The following FLCN variants were observed in gnomAD, a reference collection of about 807,000 sequenced individuals.
FLCN encodes folliculin.
Under a neutral mutation model 62.5 loss-of-function variants are expected in FLCN, and 22 were observed. The ratio of observed to expected loss-of-function variants is 0.35; its 90% CI spans 0.25 to 0.50. The LOEUF (loss-of-function observed/expected upper bound fraction) is 0.50, where lower values mean the gene tolerates loss of function less well. Ranked by LOEUF, FLCN falls within the 20% of genes least tolerant of loss-of-function variation. FLCN has a pLI of 0.97. For missense variants in FLCN, 657 were observed against 778.0 expected, an observed-to-expected ratio of 0.84 and a Z score of 1.85; for synonymous variants, 319 against 310.0, an observed-to-expected ratio of 1.03 and a Z score of -0.30.
chr17:17,219,359 C>G (rs1435712719), intron 8 of FLCN, 150 bp from the exon 9 acceptor site: 3 of 442,448 alleles, frequency 6.8e-6, no homozygotes, highest in African/African-American at 2.1e-5. Flanking sequence ...TCTGGGAGCC[C>G]TGGGGTGGGA....
rs138891029 is a variant in FLCN at position 17,223,450 on chromosome 17, A to G, written c.618+472T>C. ...GCCTGCCAGGACGACCACAGCAAGC[A>G]GAGCCCCACTCTCCTGCAATGCACA... is the stretch of plus-strand genomic sequence containing the variant. On this transcript the variant is annotated intron_variant, in intron 6 of 13. Transcript: ENST00000285071. Among the ~76,000 whole-genome samples the G allele has an allele frequency of 7.9e-5, 12 of 152,358 alleles. No individual in the cohort carries two copies. In the East Asian group the frequency reaches 2.3e-3, roughly 29 times the overall value.
In FLCN at chr17:17,215,261, C is replaced by A. The variant is rs760690745; in HGVS notation, c.1356G>T (p.Val452=). Residue 452 remains valine (V), a synonymous_variant, in exon 12 of 14, where the codon GTG becomes GTT. Transcript: ENST00000285071. ...HAAARSTLHP[V]GCEDDQSLSK... ...TGAGAGACTGGTCATCCTCACACCCCACAGGGTGGAGGGTGGAACGTGCGG... is the reference window on the plus strand; with the variant it reads ...TGAGAGACTGGTCATCCTCACACCCAACAGGGTGGAGGGTGGAACGTGCGG... The A allele has an allele frequency of 1.2e-6, 2 of 1,614,178 alleles. No homozygotes were observed. Among genetic ancestry groups the A allele is most frequent in the Non-Finnish European group, 1.7e-6 (2 of 1,180,020 alleles).
chr17:17,235,453 A>AAAG (rs1567834712), intron 1 of FLCN: 3 of 152,084 alleles, frequency 2.0e-5, no homozygotes, highest in Admixed American at 6.6e-5. Flanking sequence ...CTGTCTCCAA[A>AAAG]AAAGAAAGAA....
At chr17:17,236,492 C>CT (rs1460295308) in intron 1 of FLCN, among the ~76,000 whole-genome samples, 1 of 152,210 alleles carries the variant, frequency 6.6e-6, no homozygotes, top group African/African-American at 2.4e-5. Flanking sequence ...CTTCAATCCA[C>CT]AAGCCAATCC....
intron 1 of FLCN, among the ~76,000 whole-genome samples, 173 bp downstream of exon 1, chr17:17,236,739 A>G (rs1233166320): frequency 6.6e-6 from 1 of 152,148 alleles, no homozygotes; most frequent in Non-Finnish European, 1.5e-5. Context: ...ATGAGATCAC[A>G]GTCCTCATCC....
chr17:17,212,475 TAAAAAAAAAAAAAAA>T lies in FLCN; in HGVS notation c.*1165_*1179del, dbSNP rs397932764. The T allele has an allele frequency of 9.6e-4, 73 of 76,040 alleles. 2 individuals are homozygous for T. The East Asian group carries it at 0.021, about 22-fold the overall frequency. 4.7% of individuals were successfully genotyped at this position (76,040 alleles called of 1,614,324 possible). On this transcript the variant is annotated 3_prime_UTR_variant, in exon 14 of 14. Coordinates refer to ENST00000285071, the MANE Select transcript of FLCN (RefSeq NM_144997.7). The stretch of plus-strand genomic sequence containing the variant: ...ACGACATAGCAAGATGCCATCTCTT[TAAAAAAAAAAAAAAA>T]AAAAAAAAAAAGGGCCAGGCACAGT...
rs2144860904 is a variant in FLCN, at chr17:17,216,525, A to G, written c.1177-22T>C. The G allele has an allele frequency of 6.2e-7, 1 of 1,613,384 alleles. No homozygotes were observed. Among genetic ancestry groups the G allele is most frequent in the African/African-American group, 1.3e-5 (1 of 75,026 alleles). On this transcript the variant is annotated intron_variant, in intron 10 of 13. Coordinates refer to ENST00000285071, the MANE Select transcript of FLCN (RefSeq NM_144997.7). This position sits in a 1 kb window ranked among gnomAD's most constrained non-coding sequence, Gnocchi z 4.0. The stretch of plus-strand genomic sequence containing the variant: ...TGGTCTGAGGAGGACAGCAGGACTC[A>G]GACCAAGGACACGAGGAAGCCCTCA...
intron 6 of FLCN, chr17:17,223,100 C>T: frequency 3.9e-6 from 1 of 256,368 alleles, no homozygotes; most frequent in Non-Finnish European, 7.8e-6. Flanking sequence ...TTTTTCCTTT[C>T]TTTTTTTTTT....
chr17:17,227,018 C>A (rs562991593), intron 4 of FLCN, among the ~76,000 whole-genome samples: 1 of 152,366 alleles, frequency 6.6e-6, no homozygotes, highest in South Asian at 2.1e-4. Flanking sequence ...GCCCCAGCAG[C>A]CTGGCGGTGC....
At chr17:17,225,824 T>C (rs1479282399) in intron 5 of FLCN, 2 of 369,900 alleles carry the variant, frequency 5.4e-6, no homozygotes, top group Non-Finnish European at 1.1e-5. Flanking sequence ...GAGGTTGCAG[T>C]GAACCATGAC....
At chr17:17,219,283 T>C (rs1031282354) in intron 8 of FLCN, 74 bp from the exon 9 acceptor site, 18 of 1,291,404 alleles carry the variant, frequency 1.4e-5, no homozygotes, top group African/African-American at 4.6e-5. Flanking sequence ...AGATACTTCA[T>C]GGGCTGAGCC....
chr17:17,213,944 T>A lies in FLCN; in HGVS notation c.1539-88A>T, dbSNP rs573410413. On this transcript the variant is annotated intron_variant, in intron 13 of 13. Coordinates refer to ENST00000285071, the MANE Select transcript of FLCN (RefSeq NM_144997.7). The stretch of plus-strand genomic sequence containing the variant: ...GGGCCAACCAGGGGTGACACGGCTT[T>A]GGCACCAGCAGGAGCTGTGCAGGCA... 128 of 1,423,936 alleles carry A rather than the reference T, an allele frequency of 9.0e-5. No homozygotes were observed. The African/African-American group carries it at 1.7e-3, about 19-fold the overall frequency. 88.2% of individuals were successfully genotyped at this position (1,423,936 alleles called of 1,614,324 possible).
intron 4 of FLCN, among the ~76,000 whole-genome samples, chr17:17,227,207 G>C (rs1490205458): frequency 6.6e-5 from 10 of 152,108 alleles, no homozygotes. Context: ...CCCTGACCCA[G>C]GTCCTCCACA....
intron 7 of FLCN, among the ~76,000 whole-genome samples, chr17:17,221,861 T>A (rs1292759318): frequency 6.6e-6 from 1 of 152,140 alleles, no homozygotes; most frequent in Admixed American, 6.5e-5. Flanking sequence ...GGAGCTGTTC[T>A]AAACCAGAGA....
At position 17,212,955 on chromosome 17, in the gene FLCN, T is replaced by A. The variant is rs991236394; in HGVS notation, c.*700A>T. ...CCAGGGGATTGGGCAAGTCAGATGCTTGCCGACCCCTCAGCAACCTGTCTT... is the reference window on the plus strand; with the variant it reads ...CCAGGGGATTGGGCAAGTCAGATGCATGCCGACCCCTCAGCAACCTGTCTT... On this transcript the variant is annotated 3_prime_UTR_variant, in exon 14 of 14. Coordinates refer to ENST00000285071, the MANE Select transcript of FLCN (RefSeq NM_144997.7). 8.4e-6 allele frequency: 2 copies of A among 236,732 alleles called. No homozygotes were observed. The highest frequency in any genetic ancestry group is 4.4e-5 in the African/African-American group (2 of 45,280). 14.7% of individuals were successfully genotyped at this position (236,732 alleles called of 1,614,324 possible). A position where few individuals can be genotyped will look rare whatever the true frequency, so the allele number is the denominator to read the frequency against.
chr17:17,222,679 G>A lies in FLCN; in HGVS notation c.619-18C>T, dbSNP rs1402232991. 1 of 1,614,022 alleles carries A rather than the reference G, an allele frequency of 6.2e-7. No individual in the cohort carries two copies. Among genetic ancestry groups the A allele is most frequent in the Non-Finnish European group, 8.5e-7 (1 of 1,180,030 alleles). ...TCAAACACCTGAAATGCAAAGGGAA[G>A]GGATGGCCTCTTTAAGCCAAAGCTG... On this transcript the variant is annotated intron_variant, in intron 6 of 13. Coordinates refer to ENST00000285071, the MANE Select transcript of FLCN (RefSeq NM_144997.7).
intron 1 of FLCN, among the ~76,000 whole-genome samples, chr17:17,233,909 G>C (rs1245421868): frequency 6.6e-6 from 1 of 151,572 alleles, no homozygotes; most frequent in East Asian, 2.0e-4. Flanking sequence ...TTTTAGTAGA[G>C]ACAGAGTTTC....
Position 17,229,545 on chromosome 17 carries a change from AG to A in FLCN, c.-24-1385del, listed in dbSNP as rs1399694015. ...AGAATGGCAGCTGCCGGGGACTGGGAGGGAAGAGCGGGGCTCAGTTCTGGAG... is the reference window on the plus strand; with the variant it reads ...AGAATGGCAGCTGCCGGGGACTGGGAGGAAGAGCGGGGCTCAGTTCTGGAG... On this transcript the variant is annotated intron_variant, in intron 3 of 13. Coordinates refer to ENST00000285071, the MANE Select transcript of FLCN (RefSeq NM_144997.7). 5.2e-5 allele frequency: 8 copies of A among 152,534 alleles called. No homozygotes were observed. The East Asian group carries it at 1.5e-3, about 29-fold the overall frequency. 9.4% of individuals were successfully genotyped at this position (152,534 alleles called of 1,614,324 possible). A position where few individuals can be genotyped will look rare whatever the true frequency, so the allele number is the denominator to read the frequency against.
At position 17,215,724 on chromosome 17, in the gene FLCN, C is replaced by T. The variant is rs1487998131; in HGVS notation, c.1301-408G>A. 2.0e-5 allele frequency among the ~76,000 whole-genome samples: 3 copies of T among 152,106 alleles called. No homozygotes were observed. Among genetic ancestry groups the T allele is most frequent in the Admixed American group, 2.0e-4 (3 of 15,256 alleles). On this transcript the variant is annotated intron_variant, in intron 11 of 13. Transcript: ENST00000285071. ...CAGAGCCTGTGTTTCCAATGCTACC[C>T]GGAAAAAAGGCACTGCCTCGCAGGG...
Sources: gnomAD v4.1 joint callset for allele counts (sites outside exome capture counted in the v4.1 genomes callset) on GRCh38, gnomAD v4.1.1 for gene constraint, Gnocchi (gnomAD v3.1) non-coding constraint, MANE v1.5 for transcripts, NCBI Gene and HGNC (gene_info 2026-07-23, HGNC 2026-07-21) for gene names.